The following ZC3HAV1 variants were observed in gnomAD, a reference collection of about 807,000 sequenced individuals.
ZC3HAV1 encodes the protein zinc finger CCCH-type antiviral protein 1.
In ZC3HAV1, 41 loss-of-function variants were observed where a neutral mutation model predicts 86.6. The ratio of observed to expected loss-of-function variants is 0.47; its 90% confidence interval spans 0.37 to 0.61. The LOEUF (loss-of-function observed/expected upper bound fraction) is 0.61, where lower values mean the gene tolerates loss of function less well. Among genes scored for constraint, ZC3HAV1 ranks in the 20% least tolerant of loss-of-function variants. The pLI is 0.00. For synonymous variants in ZC3HAV1, 421 were observed against 432.1 expected, an observed-to-expected ratio of 0.97 and a Z score of 0.32; for missense variants, 964 against 1,141.1, an observed-to-expected ratio of 0.84 and a Z score of 2.24.
chr7:139,081,231 A>G (rs1817119832), intron 3 of ZC3HAV1, among the ~76,000 whole-genome samples: 3 of 152,194 alleles, frequency 2.0e-5, no homozygotes, highest in Admixed American at 2.0e-4. Context: ...GCACATGTGC[A>G]CGTGTGGTGT....
chr7:139,102,449 G>A (rs6945954), intron 1 of ZC3HAV1, among the ~76,000 whole-genome samples: 47,268 of 151,942 alleles, frequency 0.31, 8,687 homozygotes, highest in African/African-American at 0.51. Context: ...ATAATAAGAA[G>A]ATCAATATAT....
At chr7:139,105,743 A>C (rs1817915626) in intron 1 of ZC3HAV1, among the ~76,000 whole-genome samples, 1 of 152,236 alleles carries the variant, frequency 6.6e-6, no homozygotes, top group Admixed American at 6.5e-5. Context: ...TAGTAATGTC[A>C]AGATGGGTAT....
In ZC3HAV1 at chr7:139,079,701, T is replaced by C. The variant is rs1261112749; in HGVS notation, c.1240A>G (p.Asn414Asp). 2 of 1,614,174 alleles carry C rather than the reference T, an allele frequency of 1.2e-6. No individual in the cohort carries two copies. The highest frequency in any genetic ancestry group is 1.7e-6 in the Non-Finnish European group (2 of 1,180,016). The change falls in exon 4 of 13, where the codon AAT becomes GAT. Residue 414 changes from asparagine to aspartate, a missense_variant. Coordinates refer to ENST00000242351, the MANE Select transcript of ZC3HAV1 (RefSeq NM_020119.4). The part of the protein sequence containing the change: ...GLLSSDYRII[N>D]GKSGTQDIQP... ...ATGTCCTGAGTTCCACTTTTGCCAT[T>C]GATGATCCTGTAGTCTGAGGAAAGC...
At chr7:139,060,710 A>C in intron 9 of ZC3HAV1, 2 of 1,112,016 alleles carry the variant, frequency 1.8e-6, no homozygotes, top group Non-Finnish European at 2.2e-6. Flanking sequence ...ACAGCAAAAC[A>C]AAAACCCAGT....
intron 1 of ZC3HAV1, among the ~76,000 whole-genome samples, chr7:139,100,769 T>C (rs201924294): frequency 0.23 from 31,524 of 137,360 alleles, 3,974 homozygotes; most frequent in East Asian, 0.41. Context: ...TCCCTCTCTT[T>C]CCACGGTCTC....
intron 1 of ZC3HAV1, among the ~76,000 whole-genome samples, chr7:139,106,030 C>T (rs1817926846): frequency 6.6e-6 from 1 of 151,862 alleles, no homozygotes; most frequent in African/African-American, 2.4e-5. Flanking sequence ...TATGGCTCTG[C>T]CAATAAATGT....
intron 1 of ZC3HAV1, among the ~76,000 whole-genome samples, chr7:139,098,191 T>C (rs571708961): frequency 1.8e-4 from 28 of 152,154 alleles, no homozygotes; most frequent in South Asian, 4.2e-4. Flanking sequence ...CCGCCTGCCT[T>C]GGCCTCCCAA....
intron 1 of ZC3HAV1, among the ~76,000 whole-genome samples, chr7:139,093,117 C>T (rs945079287): frequency 6.6e-6 from 1 of 152,020 alleles, no homozygotes; most frequent in African/African-American, 2.4e-5. Flanking sequence ...TTAGTAGTCA[C>T]GATAATCCTA....
At chr7:139,085,756 T>C (rs1299529464) in intron 2 of ZC3HAV1, among the ~76,000 whole-genome samples, 1 of 152,138 alleles carries the variant, frequency 6.6e-6, no homozygotes, top group Non-Finnish European at 1.5e-5. Flanking sequence ...CTCACACCTG[T>C]AATCCCAGCA....
At chr7:139,059,609 T>A (rs1372085556) in intron 9 of ZC3HAV1, among the ~76,000 whole-genome samples, 1 of 145,140 alleles carries the variant, frequency 6.9e-6, no homozygotes, top group East Asian at 2.3e-4. Flanking sequence ...AGAGTAAGAC[T>A]CTGTCAAAAA....
intron 6 of ZC3HAV1, 100 bp from the exon 7 acceptor site, chr7:139,074,130 C>T (rs79889839): frequency 8.5e-7 from 1 of 1,171,874 alleles, no homozygotes; most frequent in Non-Finnish European, 1.2e-6. Flanking sequence ...ACTTTCAGGG[C>T]TAAAATAGAT....
At chr7:139,071,285 A>T (rs1459397774) in intron 7 of ZC3HAV1, among the ~76,000 whole-genome samples, 1 of 151,974 alleles carries the variant, frequency 6.6e-6, no homozygotes, top group Non-Finnish European at 1.5e-5. Context: ...TATTTTTAAT[A>T]GAGACACAGT....
At chr7:139,063,336 A>C (rs1816503090) in intron 8 of ZC3HAV1, among the ~76,000 whole-genome samples, 2 of 152,152 alleles carry the variant, frequency 1.3e-5, no homozygotes, top group Non-Finnish European at 2.9e-5. Context: ...GTCGGCCCAC[A>C]TGCATGCATT....
chr7:139,078,558 G>A lies in ZC3HAV1; in HGVS notation c.1567C>T (p.Leu523Phe). Reference protein sequence around the residue: ...CLDHLCKGCPLNGSCSKVHFH... With the variant: ...CLDHLCKGCPFNGSCSKVHFH... Reference sequence around the variant, plus strand: ...AAGTCCTTAGGTTACTCACCATTAAGCGGACAACCCTTACACAGATGGTCA... The same window carrying A: ...AAGTCCTTAGGTTACTCACCATTAAACGGACAACCCTTACACAGATGGTCA... Residue 523 changes from leucine (L) to phenylalanine (F), a missense_variant, in exon 5 of 13, where the codon CTT becomes TTT. Physicochemically the swap from Leu to Phe is conservative, Grantham distance 22. Transcript: ENST00000242351. 1 of 1,594,108 alleles carries A rather than the reference G, an allele frequency of 6.3e-7. No individual in the cohort carries two copies. The highest frequency in any genetic ancestry group is 8.5e-7 in the Non-Finnish European group (1 of 1,174,260).
In ZC3HAV1 at chr7:139,049,023, G is replaced by C. The variant is rs77343259; in HGVS notation, c.2450-1170C>G. On this transcript the variant is annotated intron_variant, in intron 12 of 12. Coordinates refer to ENST00000242351, the MANE Select transcript of ZC3HAV1 (RefSeq NM_020119.4). ...TATGGTGGTTTATGGTGGTTTACTT[G>C]TTCATAAATAGGATCATAATATATG... Among the ~76,000 whole-genome samples, 1,296 of 150,706 alleles carry C rather than the reference G, an allele frequency of 8.6e-3. 7 individuals carry two copies. The highest frequency in any genetic ancestry group is 0.014 in the Middle Eastern group (4 of 292).
intron 7 of ZC3HAV1, among the ~76,000 whole-genome samples, chr7:139,069,499 G>A (rs138763215): frequency 5.3e-5 from 8 of 152,148 alleles, no homozygotes; most frequent in African/African-American, 1.2e-4. Flanking sequence ...AAACATCTTC[G>A]AGGACCTGAA....
At chr7:139,068,839 G>A (rs559174913) in intron 7 of ZC3HAV1, among the ~76,000 whole-genome samples, 7 of 152,324 alleles carry the variant, frequency 4.6e-5, no homozygotes, top group African/African-American at 1.7e-4. Context: ...TTGATGTGAT[G>A]TGTAGGCTGG....
chr7:139,106,458 C>CA (rs1031273584), intron 1 of ZC3HAV1, among the ~76,000 whole-genome samples: 30 of 152,076 alleles, frequency 2.0e-4, no homozygotes, highest in South Asian at 1.5e-3. Flanking sequence ...ACTAAAAATA[C>CA]AAAAAATTAG....
intron 2 of ZC3HAV1, among the ~76,000 whole-genome samples, chr7:139,086,120 G>A (rs773326887): frequency 8.6e-5 from 13 of 152,008 alleles, no homozygotes; most frequent in Non-Finnish European, 1.6e-4. Context: ...CTTGAAATTA[G>A]CTGAACTCTG....
Sources: gnomAD v4.1 joint callset for allele counts (sites outside exome capture counted in the v4.1 genomes callset) on GRCh38, gnomAD v4.1.1 for gene constraint, MANE v1.5 for transcripts, NCBI Gene and HGNC (gene_info 2026-07-23, HGNC 2026-07-21) for gene names.